GUCY1B1: variants seen among roughly 807,000 people sequenced by gnomAD.
GUCY1B1 encodes guanylate cyclase soluble subunit beta-1.
A neutral mutation model predicts 71.0 loss-of-function variants in GUCY1B1; 43 were observed. That is an observed-to-expected ratio of 0.61 (90% confidence interval 0.47 to 0.78). GUCY1B1 has a LOEUF of 0.78. Ranked by LOEUF, GUCY1B1 falls within the 30% of genes least tolerant of loss-of-function variation. The pLI is 0.00. For missense variants in GUCY1B1, 535 were observed against 754.1 expected (o/e 0.71, Z 3.40); for synonymous variants, 266 against 259.7 (o/e 1.02, Z -0.23).
chr4:155,782,127 G>A (rs1738470971), intron 4 of GUCY1B1, among the ~76,000 whole-genome samples: 1 of 152,128 alleles, frequency 6.6e-6, no homozygotes, highest in Admixed American at 6.5e-5. Context: ...CCAGGCTGGA[G>A]TGCAGTGGCG....
chr4:155,759,289 C>G (rs1736781721), intron 1 of GUCY1B1, 146 bp downstream of exon 1: 1 of 755,338 alleles, frequency 1.3e-6, no homozygotes, highest in Non-Finnish European at 2.1e-6. Flanking sequence ...TCCTTGCCCG[C>G]GCCCAGTCAG....
chr4:155,803,475 G>A, intron 10 of GUCY1B1, 149 bp from the exon 11 acceptor site: 1 of 464,284 alleles, frequency 2.2e-6, no homozygotes, highest in South Asian at 6.2e-5. Flanking sequence ...TTTTGTTGGA[G>A]TTGAATATAT....
chr4:155,759,390 C>G (rs1294434412), intron 1 of GUCY1B1: 1 of 546,208 alleles, frequency 1.8e-6, no homozygotes, highest in East Asian at 3.3e-5. Context: ...GCTTCCTGAG[C>G]TCGGGAAGGG....
chr4:155,803,153 A>G (rs893744273), intron 10 of GUCY1B1, among the ~76,000 whole-genome samples: 1 of 152,214 alleles, frequency 6.6e-6, no homozygotes, highest in Non-Finnish European at 1.5e-5. Flanking sequence ...GGGGTAATAT[A>G]ACTACACAAG....
chr4:155,790,472 T>C (rs1260004956), intron 5 of GUCY1B1, among the ~76,000 whole-genome samples: 1 of 152,172 alleles, frequency 6.6e-6, no homozygotes. Flanking sequence ...CTCTTAGTTT[T>C]GAGTGATGAT....
intron 2 of GUCY1B1, among the ~76,000 whole-genome samples, chr4:155,762,347 C>T (rs1450785429): frequency 1.3e-5 from 2 of 151,956 alleles, no homozygotes; most frequent in South Asian, 2.1e-4. Context: ...TTTTTTGTCT[C>T]AGTAAGTACC....
At chr4:155,760,427 C>G (rs1198186143) in intron 2 of GUCY1B1, among the ~76,000 whole-genome samples, 2 of 144,418 alleles carry the variant, frequency 1.4e-5, no homozygotes, top group African/African-American at 2.6e-5. Context: ...ACTGCCCACC[C>G]CCCCCGCCCC....
chr4:155,786,724 T>C lies in GUCY1B1; in HGVS notation c.298-2990T>C, dbSNP rs956629260. ...TCCTGACCTTGTGATCCGCCCGCCT[T>C]GGCCTCCCAAAGTGCTGGGATTACA... On this transcript the variant is annotated intron_variant, in intron 4 of 13. Coordinates refer to ENST00000264424, the MANE Select transcript of GUCY1B1 (RefSeq NM_000857.5). Among the ~76,000 whole-genome samples, 7 of 151,916 alleles carry C rather than the reference T, an allele frequency of 4.6e-5. No homozygotes were observed. The East Asian group carries it at 5.9e-4, about 13-fold the overall frequency.
At chr4:155,793,783 ATTTT>A (rs1739344240) in intron 5 of GUCY1B1, 69 bp from the exon 6 acceptor site, 1 of 710,818 alleles carries the variant, frequency 1.4e-6, no homozygotes, top group East Asian at 2.6e-5. Flanking sequence ...TTCATAACTC[ATTTT>A]TTATATTTAG....
At chr4:155,760,500 C>T (rs774681252) in intron 2 of GUCY1B1, among the ~76,000 whole-genome samples, 1 of 122,232 alleles carries the variant, frequency 8.2e-6, no homozygotes, top group Non-Finnish European at 1.6e-5. Flanking sequence ...AGGCATTCTA[C>T]TTTCAGTCCT....
Position 155,806,905 on chromosome 4 carries a change from G to A in GUCY1B1, c.*496G>A, listed in dbSNP as rs1432610304. The A allele has an allele frequency of 6.6e-6, 1 of 152,252 alleles. No individual in the cohort carries two copies. The highest frequency in any genetic ancestry group is 1.5e-5 in the Non-Finnish European group (1 of 68,174). The allele number at this position is 152,252 out of a possible 1,614,324, so 9.4% of individuals were successfully genotyped here. On this transcript the variant is annotated 3_prime_UTR_variant, in exon 14 of 14. Transcript: ENST00000264424. ...TATAGAAATCATTTTCTAAAGGAGT[G>A]AATTCTAAGTTTTAGGGGAAAAAAT...
At chr4:155,794,893 A>G (rs954948348) in intron 6 of GUCY1B1, among the ~76,000 whole-genome samples, 1 of 152,316 alleles carries the variant, frequency 6.6e-6, no homozygotes, top group South Asian at 2.1e-4. Context: ...TACTTAGTTC[A>G]TTGTAAGCAA....
In GUCY1B1 at chr4:155,759,045, G is replaced by A. The variant is rs1182144934; in HGVS notation, c.-96G>A. On this transcript the variant is annotated 5_prime_UTR_variant, in exon 1 of 14. Transcript: ENST00000264424. ...CGCTCCAGCTCGATGCTGCCTCCCCGGCCCGGTTGCGCTGTAGCCGCTGCC... is the reference window on the plus strand; with the variant it reads ...CGCTCCAGCTCGATGCTGCCTCCCCAGCCCGGTTGCGCTGTAGCCGCTGCC... The A allele has an allele frequency of 3.8e-6, 5 of 1,327,462 alleles. No individual in the cohort carries two copies. The highest frequency in any genetic ancestry group is 2.5e-5 in the South Asian group (2 of 79,958). 82.2% of individuals were successfully genotyped at this position (1,327,462 alleles called of 1,614,324 possible).
chr4:155,804,410 C>A (rs757132729), intron 11 of GUCY1B1, among the ~76,000 whole-genome samples, 183 bp from the exon 12 acceptor site: 10 of 151,852 alleles, frequency 6.6e-5, no homozygotes, highest in African/African-American at 1.2e-4. Context: ...ATACCTAATA[C>A]GTGCGGGGCT....
intron 4 of GUCY1B1, among the ~76,000 whole-genome samples, chr4:155,785,906 A>G (rs1470502107): frequency 6.6e-6 from 1 of 152,152 alleles, no homozygotes; most frequent in African/African-American, 2.4e-5. Flanking sequence ...AACACAGTAA[A>G]TCTCTGGAGA....
At chr4:155,779,943 G>A (rs1054690072) in intron 4 of GUCY1B1, among the ~76,000 whole-genome samples, 3 of 152,086 alleles carry the variant, frequency 2.0e-5, no homozygotes, top group African/African-American at 7.2e-5. Context: ...CAAATACTGA[G>A]CTTTGGGAAT....
At chr4:155,765,427 C>T (rs938802761) in intron 2 of GUCY1B1, among the ~76,000 whole-genome samples, 2 of 151,986 alleles carry the variant, frequency 1.3e-5, no homozygotes, top group African/African-American at 2.4e-5. Context: ...CCTCCTTGTT[C>T]GTTAAAGAGG....
intron 13 of GUCY1B1, among the ~76,000 whole-genome samples, chr4:155,806,066 G>A (rs1740289621): frequency 6.6e-6 from 1 of 152,104 alleles, no homozygotes; most frequent in African/African-American, 2.4e-5. Flanking sequence ...TGCTTTTAGG[G>A]CATAACAACT....
intron 3 of GUCY1B1, 113 bp from the exon 4 acceptor site, chr4:155,777,411 C>T (rs1738127829): frequency 1.5e-6 from 1 of 661,330 alleles, no homozygotes; most frequent in Non-Finnish European, 2.7e-6. Flanking sequence ...GCTTGCCATG[C>T]ACAAAAATTG....
Sources: allele counts gnomAD v4.1 joint callset (sites outside exome capture counted in the v4.1 genomes callset), GRCh38; gene constraint gnomAD v4.1.1; transcripts MANE v1.5; gene names NCBI Gene and HGNC (gene_info 2026-07-23, HGNC 2026-07-21).